The following TBL2 variants were observed in gnomAD, a reference collection of about 807,000 sequenced individuals.
The protein encoded by TBL2 is transducin beta like 2.
In TBL2, 33 loss-of-function variants were observed where a neutral mutation model predicts 41.8. The ratio of observed to expected loss-of-function variants is 0.79; its 90% CI spans 0.60 to 1.06. The LOEUF (loss-of-function observed/expected upper bound fraction) is 1.06. Among genes scored for constraint, TBL2 ranks in the 50% least tolerant of loss-of-function variants. TBL2 has a pLI of 0.00. For synonymous variants in TBL2, 239 were observed against 241.7 expected, an observed-to-expected ratio of 0.99 and a Z score of 0.10; for missense variants, 522 against 603.8, an observed-to-expected ratio of 0.86 and a Z score of 1.42.
Position 73,572,971 on chromosome 7 carries a change from C to A in TBL2, c.599-1G>T. ...CTGGAGGCAGTCATGATAAACTTCCCTGAGCGGGAAGGGAGTGATGTGGGT... is the reference window on the plus strand; with the variant it reads ...CTGGAGGCAGTCATGATAAACTTCCATGAGCGGGAAGGGAGTGATGTGGGT... On this transcript the variant is annotated splice_acceptor_variant, in intron 4 of 6. Transcript: ENST00000305632. LOFTEE classifies it high-confidence loss of function. 6.2e-7 allele frequency: 1 copy of A among 1,614,180 alleles called. No homozygotes were observed. Among genetic ancestry groups the A allele is most frequent in the South Asian group, 1.1e-5 (1 of 91,088 alleles).
At chr7:73,573,137 C>A in intron 4 of TBL2, 167 bp from the exon 5 acceptor site, 1 of 1,360,310 alleles carries the variant, frequency 7.4e-7, no homozygotes. Context: ...TCCCCACCTT[C>A]CCTAGGGACC....
rs1205467123 is a variant in TBL2 at position 73,567,555 on chromosome 7, A to AT, written c.*2951dup. Among the ~76,000 whole-genome samples the AT allele has an allele frequency of 6.6e-6, 1 of 150,828 alleles. No homozygotes were observed. The highest frequency in any genetic ancestry group is 1.5e-5 in the Non-Finnish European group (1 of 67,618). On this transcript the variant is annotated 3_prime_UTR_variant, in exon 7 of 7. Coordinates refer to ENST00000305632, the MANE Select transcript of TBL2 (RefSeq NM_012453.4). ...ACCGCCATTTAAAATATTTCCCCAA[A>AT]TTTTTTTTTTGAAAAATTTCACACC...
chr7:73,577,156 G>C (rs1432565637), intron 1 of TBL2, among the ~76,000 whole-genome samples: 4 of 151,444 alleles, frequency 2.6e-5, no homozygotes, highest in African/African-American at 9.7e-5. Flanking sequence ...AGCTACTCAG[G>C]AGGCTGAGGC....
At chr7:73,578,183 C>CA in intron 1 of TBL2, 1 of 1,466,752 alleles carries the variant, frequency 6.8e-7, no homozygotes, top group Non-Finnish European at 9.1e-7. Context: ...GCCTCGGCCA[C>CA]AGAGAAAGCC....
Position 73,569,750 on chromosome 7 carries a change from C to T in TBL2, c.*757G>A, listed in dbSNP as rs547175087. 2 of 152,254 alleles carry T rather than the reference C, an allele frequency of 1.3e-5. No homozygotes were observed. Among genetic ancestry groups the T allele is most frequent in the South Asian group, 4.1e-4 (2 of 4,824 alleles). The allele number at this position is 152,254 out of a possible 1,614,324, so 9.4% of individuals were successfully genotyped here. A position where few individuals can be genotyped will look rare whatever the true frequency, so the allele number is the denominator to read the frequency against. On this transcript the variant is annotated 3_prime_UTR_variant, in exon 7 of 7. Coordinates refer to ENST00000305632, the MANE Select transcript of TBL2 (RefSeq NM_012453.4). ...AACTTGATGAACTGAAAAGAGGTCTCCTTAAACAAGATATCATCTCCCGAA... is the reference window on the plus strand; with the variant it reads ...AACTTGATGAACTGAAAAGAGGTCTTCTTAAACAAGATATCATCTCCCGAA...
rs1554587276 is a variant in TBL2 at position 73,570,785 on chromosome 7, G to A, written c.1066C>T (p.Leu356Phe). Residue 356 changes from leucine to phenylalanine, a missense_variant, in exon 7 of 7, where the codon CTC (leucine) becomes TTC (phenylalanine). Transcript: ENST00000305632. Reference protein sequence around the residue: ...LALASGSSIHLYNTRRGEKEE... With the variant: ...LALASGSSIHFYNTRRGEKEE... The stretch of plus-strand genomic sequence containing the variant: ...TTCTCGCCCCGCCGGGTATTGTAGA[G>A]ATGAATACTACTGCCACTGGCCAAG... 6.2e-7 allele frequency: 1 copy of A among 1,614,146 alleles called. No individual in the cohort carries two copies. Among genetic ancestry groups the A allele is most frequent in the Non-Finnish European group, 8.5e-7 (1 of 1,180,050 alleles).
chr7:73,570,381 G>A lies in TBL2; in HGVS notation c.*126C>T. ...AGAGTAGTTTCAATGGGAAGAAGCA[G>A]GGCCACCAGTAAGAAAACCAGGAGA... On this transcript the variant is annotated 3_prime_UTR_variant, in exon 7 of 7. Transcript: ENST00000305632. 1 of 1,405,386 alleles carries A rather than the reference G, an allele frequency of 7.1e-7. No homozygotes were observed. The highest frequency in any genetic ancestry group is 9.3e-7 in the Non-Finnish European group (1 of 1,079,874). 87.1% of individuals were successfully genotyped at this position (1,405,386 alleles called of 1,614,324 possible).
At chr7:73,573,176 A>G in intron 4 of TBL2, 144 bp downstream of exon 4, 1 of 1,400,488 alleles carries the variant, frequency 7.1e-7, no homozygotes, top group Admixed American at 2.1e-5. Context: ...CCAGGGGAGC[A>G]CAGAGCCAGG....
At chr7:73,574,868 T>C (rs1793202790) in intron 1 of TBL2, 3 of 380,042 alleles carry the variant, frequency 7.9e-6, no homozygotes, top group Non-Finnish European at 1.5e-5. Context: ...CAGACCTGGG[T>C]TTGGATTCTG....
chr7:73,573,819 G>A, intron 3 of TBL2, 119 bp downstream of exon 3: 1 of 1,283,636 alleles, frequency 7.8e-7, no homozygotes, highest in Non-Finnish European at 1.1e-6. Flanking sequence ...TGCTCTTTCT[G>A]GCACCCCAAG....
chr7:73,574,441 C>T lies in TBL2; in HGVS notation c.203G>A (p.Arg68Gln), dbSNP rs144900423. ...SKKQKQYQRI[R>Q]KEKPQQHNFT... ...GTTGTGTTGTTGAGGCTTCTCCTTC[C>T]GAATCCGCTGATATTGTTTCTGCTT... is the stretch of plus-strand genomic sequence containing the variant. Residue 68 changes from arginine to glutamine, a missense_variant, in exon 2 of 7, where the codon CGG becomes CAG. Transcript: ENST00000305632. 1.2e-5 allele frequency: 20 copies of T among 1,614,046 alleles called. No individual in the cohort carries two copies. The African/African-American group carries it at 1.5e-4, about 12-fold the overall frequency.
intron 5 of TBL2, among the ~76,000 whole-genome samples, chr7:73,572,352 G>A (rs1217494362): frequency 6.6e-6 from 1 of 152,208 alleles, no homozygotes; most frequent in African/African-American, 2.4e-5. Context: ...GGGAGGCTAA[G>A]GTGGGAGGAT....
At chr7:73,577,434 C>A (rs1388311182) in intron 1 of TBL2, among the ~76,000 whole-genome samples, 2 of 150,012 alleles carry the variant, frequency 1.3e-5, no homozygotes, top group Non-Finnish European at 3.0e-5. Flanking sequence ...ATTAGCCAGG[C>A]GTGGTGGTGT....
At chr7:73,573,177 C>G (rs909582089) in intron 4 of TBL2, 143 bp downstream of exon 4, 41 of 1,405,862 alleles carry the variant, frequency 2.9e-5, no homozygotes, top group Non-Finnish European at 3.7e-5. Context: ...CAGGGGAGCA[C>G]AGAGCCAGGC....
chr7:73,576,960 T>G (rs544918080), intron 1 of TBL2, among the ~76,000 whole-genome samples: 1 of 151,878 alleles, frequency 6.6e-6, no homozygotes, highest in African/African-American at 2.4e-5. Flanking sequence ...ACCTCCCCCA[T>G]AAAAGAACAG....
At chr7:73,572,692 A>G (rs1439855584) in intron 5 of TBL2, 152 bp downstream of exon 5, 3 of 997,020 alleles carry the variant, frequency 3.0e-6, no homozygotes, top group African/African-American at 1.6e-5. Context: ...AAATCCCACT[A>G]CTGCAAGTGG....
At position 73,570,600 on chromosome 7, in the gene TBL2, C is replaced by T; in HGVS notation, c.1251G>A (p.Lys417=). 3 of 1,613,084 alleles carry T rather than the reference C, an allele frequency of 1.9e-6. No homozygotes were observed. Among genetic ancestry groups the T allele is most frequent in the Non-Finnish European group, 2.5e-6 (3 of 1,179,696 alleles). Residue 417 remains lysine, a synonymous_variant, in exon 7 of 7, where the codon AAG becomes AAA. Coordinates refer to ENST00000305632, the MANE Select transcript of TBL2 (RefSeq NM_012453.4). ...GGCGGGTGCTCTCGTTGGAGGCCCGCTTCAGGTGGCCCTGCATCTCCTCCA... is the reference window on the plus strand; with the variant it reads ...GGCGGGTGCTCTCGTTGGAGGCCCGTTTCAGGTGGCCCTGCATCTCCTCCA... The part of the protein sequence containing the change: ...AMVEEMQGHL[K]RASNESTRQR...
At chr7:73,577,087 G>A (rs938173894) in intron 1 of TBL2, among the ~76,000 whole-genome samples, 1 of 151,648 alleles carries the variant, frequency 6.6e-6, no homozygotes, top group Non-Finnish European at 1.5e-5. Flanking sequence ...GTGAAACCCC[G>A]TCTCTACTCA....
intron 1 of TBL2, among the ~76,000 whole-genome samples, chr7:73,577,264 C>CAA (rs34760825): frequency 0.014 from 1,331 of 98,022 alleles, 25 homozygotes; most frequent in East Asian, 0.068. Flanking sequence ...CGTCCCCCTG[C>CAA]AAAAAAAAAA....
Sources: allele counts gnomAD v4.1 joint callset (sites outside exome capture counted in the v4.1 genomes callset), GRCh38; gene constraint gnomAD v4.1.1; transcripts MANE v1.5; gene names NCBI Gene and HGNC (gene_info 2026-07-23, HGNC 2026-07-21).